Variants in STPG2 observed in about 807,000 individuals in gnomAD.
STPG2 encodes sperm tail PG-rich repeat containing 2, also known as sperm-tail PG-rich repeat-containing protein 2.
Under a neutral mutation model 54.2 loss-of-function variants are expected in STPG2, and 56 were observed. That is an observed-to-expected ratio of 1.03 (90% confidence interval 0.83 to 1.29). The LOEUF (loss-of-function observed/expected upper bound fraction) is 1.29. STPG2 is among the 50% of genes most tolerant of loss of function. STPG2 has a pLI of 0.00. For synonymous variants in STPG2, 200 were observed against 181.8 expected (o/e 1.10, Z -0.81); for missense variants, 596 against 544.9 (o/e 1.09, Z -0.93).
intron 10 of STPG2, among the ~76,000 whole-genome samples, chr4:97,709,594 C>T (rs907405002): frequency 1.3e-5 from 2 of 151,554 alleles, no homozygotes; most frequent in Admixed American, 1.3e-4. Flanking sequence ...GATTTTATGA[C>T]ATTAAATTCA....
chr4:97,847,880 G>GT (rs1369568990), intron 8 of STPG2, among the ~76,000 whole-genome samples: 3 of 152,134 alleles, frequency 2.0e-5, no homozygotes, highest in South Asian at 2.1e-4. Context: ...TATATCTATT[G>GT]TAACCTCTCT....
At chr4:97,487,147 A>G (rs1333022788) in intron 4 of STPG2, among the ~76,000 whole-genome samples, 2 of 151,284 alleles carry the variant, frequency 1.3e-5, no homozygotes, top group Non-Finnish European at 3.0e-5. Flanking sequence ...GGTGCAGTGT[A>G]TACTTAACTC....
At chr4:97,447,823 T>C (rs1729265146) in intron 4 of STPG2, among the ~76,000 whole-genome samples, 1 of 152,186 alleles carries the variant, frequency 6.6e-6, no homozygotes, top group Non-Finnish European at 1.5e-5. Flanking sequence ...TGGAGCCCCC[T>C]CACAGAGTCC....
At chr4:97,665,755 C>T (rs1263396171) in intron 10 of STPG2, among the ~76,000 whole-genome samples, 1 of 152,096 alleles carries the variant, frequency 6.6e-6, no homozygotes, top group Admixed American at 6.6e-5. Flanking sequence ...CAGCACCAAG[C>T]TGCCCTCAGC....
intron 8 of STPG2, among the ~76,000 whole-genome samples, chr4:97,871,725 C>A (rs768054762): frequency 6.6e-6 from 1 of 150,980 alleles, no homozygotes; most frequent in Non-Finnish European, 1.5e-5. Flanking sequence ...ACTGTTAAAC[C>A]TAGTCTCAAA....
rs1262167373 is a variant in STPG2 at position 97,689,349 on chromosome 4, G to A, written c.1320+23350C>T. Reference sequence around the variant, plus strand: ...CAGCATGTGTCACATGTAGATAAAAGTTATATTTAAAACTGTCATATATAC... The same window carrying A: ...CAGCATGTGTCACATGTAGATAAAAATTATATTTAAAACTGTCATATATAC... On this transcript the variant is annotated intron_variant, in intron 10 of 10. Coordinates refer to ENST00000295268, the MANE Select transcript of STPG2 (RefSeq NM_174952.3). Among the ~76,000 whole-genome samples, 12 of 152,070 alleles carry A rather than the reference G, an allele frequency of 7.9e-5. No homozygotes were observed. In the East Asian group the frequency reaches 2.3e-3, roughly 29 times the overall value.
intron 4 of STPG2, among the ~76,000 whole-genome samples, chr4:97,461,327 A>C (rs2148808015): frequency 6.6e-6 from 1 of 152,264 alleles, no homozygotes; most frequent in African/African-American, 2.4e-5. Context: ...CTATGGTCAG[A>C]ATGTTTGTGC....
At chr4:97,443,563 T>C (rs1041977822) in intron 4 of STPG2, among the ~76,000 whole-genome samples, 3 of 152,160 alleles carry the variant, frequency 2.0e-5, no homozygotes, top group Admixed American at 6.5e-5. Context: ...TCTGACTTCC[T>C]ATTATTAGAA....
At chr4:97,918,086 T>A (rs533043712) in intron 8 of STPG2, among the ~76,000 whole-genome samples, 2 of 151,952 alleles carry the variant, frequency 1.3e-5, no homozygotes, top group South Asian at 4.1e-4. Context: ...AAAACCTAAA[T>A]CTCATGGCAA....
At chr4:98,078,319 C>T (rs907919919) in intron 5 of STPG2, among the ~76,000 whole-genome samples, 7 of 151,932 alleles carry the variant, frequency 4.6e-5, no homozygotes, top group African/African-American at 1.7e-4. Context: ...ACATAAATTC[C>T]ACCACTAGTT....
chr4:97,698,767 G>A (rs538803111), intron 10 of STPG2, among the ~76,000 whole-genome samples: 139 of 152,210 alleles, frequency 9.1e-4, no homozygotes, highest in Non-Finnish European at 1.5e-3. Flanking sequence ...CCTAGTCGGC[G>A]TTGTAATTGT....
intron 8 of STPG2, among the ~76,000 whole-genome samples, chr4:97,849,051 C>CT (rs1341657974): frequency 1.3e-5 from 2 of 151,102 alleles, no homozygotes. Context: ...TCATTGGTAG[C>CT]TTGATGGGGA....
At chr4:97,983,027 T>A (rs1230504663) in intron 5 of STPG2, among the ~76,000 whole-genome samples, 2 of 152,178 alleles carry the variant, frequency 1.3e-5, no homozygotes, top group Non-Finnish European at 2.9e-5. Context: ...GCTATCTACT[T>A]ACCTATCTAT....
chr4:97,578,368 T>C (rs998996005), intron 10 of STPG2, among the ~76,000 whole-genome samples: 3 of 152,086 alleles, frequency 2.0e-5, no homozygotes, highest in Non-Finnish European at 4.4e-5. Flanking sequence ...GAGGAGGTCA[T>C]GGGAAGTTTC....
At chr4:97,685,435 GA>G (rs1451089770) in intron 10 of STPG2, among the ~76,000 whole-genome samples, 3 of 151,966 alleles carry the variant, frequency 2.0e-5, no homozygotes, top group Admixed American at 2.0e-4. Flanking sequence ...CATATGAAGT[GA>G]AAAAAGCCAG....
chr4:97,872,009 C>T (rs1039438621), intron 8 of STPG2, among the ~76,000 whole-genome samples: 5 of 150,930 alleles, frequency 3.3e-5, no homozygotes, highest in Non-Finnish European at 7.4e-5. Context: ...GATCATAATA[C>T]ACCATGTTAA....
intron 1 of STPG2, 63 bp from the exon 2 acceptor site, chr4:98,134,522 C>T (rs536311833): frequency 5.1e-5 from 47 of 926,164 alleles, no homozygotes; most frequent in African/African-American, 1.9e-4. Context: ...CAGAGAAAAA[C>T]GCTCAAAATA....
At chr4:97,688,000 G>A (rs1451514862) in intron 10 of STPG2, among the ~76,000 whole-genome samples, 3 of 152,018 alleles carry the variant, frequency 2.0e-5, no homozygotes, top group Non-Finnish European at 4.4e-5. Flanking sequence ...CCGAGAAGTT[G>A]TTCAATCTTA....
intron 8 of STPG2, among the ~76,000 whole-genome samples, chr4:97,919,905 C>T (rs1227855429): frequency 6.6e-6 from 1 of 152,158 alleles, no homozygotes; most frequent in Non-Finnish European, 1.5e-5. Context: ...CTTTTGCCAA[C>T]ACTGCCCTCC....
Sources: gnomAD v4.1 joint callset for allele counts (sites outside exome capture counted in the v4.1 genomes callset) on GRCh38, gnomAD v4.1.1 for gene constraint, MANE v1.5 for transcripts, NCBI Gene and HGNC (gene_info 2026-07-23, HGNC 2026-07-21) for gene names.